ETS1: variants seen among roughly 807,000 people sequenced by gnomAD.
ETS1 encodes ETS proto-oncogene 1, transcription factor.
Under a neutral mutation model 58.6 loss-of-function variants are expected in ETS1, and 15 were observed. That is an observed-to-expected ratio of 0.26 (90% CI 0.17 to 0.39). The LOEUF (loss-of-function observed/expected upper bound fraction) is 0.39. Among genes scored for constraint, ETS1 ranks in the 10% least tolerant of loss-of-function variants. The pLI is 1.00. For missense variants in ETS1, 417 were observed against 610.5 expected (o/e 0.68, Z 3.34); for synonymous variants, 214 against 218.2 (o/e 0.98, Z 0.17).
intron 3 of ETS1, among the ~76,000 whole-genome samples, chr11:128,520,977 T>C (rs1019162780): frequency 2.0e-5 from 3 of 152,202 alleles, no homozygotes; most frequent in African/African-American, 4.8e-5. Flanking sequence ...TAGATCTTTC[T>C]ATATACTTTC....
intron 3 of ETS1, among the ~76,000 whole-genome samples, chr11:128,550,842 G>GAA (rs1864217977): frequency 6.6e-6 from 1 of 152,190 alleles, no homozygotes; most frequent in Non-Finnish European, 1.5e-5. Context: ...TTGGGCATTA[G>GAA]CATAGACAGT....
At chr11:128,476,432 A>T (rs1310603943) in intron 8 of ETS1, among the ~76,000 whole-genome samples, 1 of 152,258 alleles carries the variant, frequency 6.6e-6, no homozygotes, top group African/African-American at 2.4e-5. Flanking sequence ...TATTCAGGTG[A>T]GACATTTGGT....
At chr11:128,534,450 C>T (rs1863943082) in intron 3 of ETS1, among the ~76,000 whole-genome samples, 1 of 152,194 alleles carries the variant, frequency 6.6e-6, no homozygotes, top group South Asian at 2.1e-4. Context: ...GGTTCAGATA[C>T]ACGTGCAAGA....
chr11:128,519,723 G>C (rs550113688), intron 3 of ETS1, among the ~76,000 whole-genome samples: 1 of 152,284 alleles, frequency 6.6e-6, no homozygotes, highest in Non-Finnish European at 1.5e-5. Flanking sequence ...AATATACATT[G>C]CGAAGTTAGA....
At chr11:128,579,106 T>C (rs1864810603) in intron 1 of ETS1, among the ~76,000 whole-genome samples, 1 of 152,234 alleles carries the variant, frequency 6.6e-6, no homozygotes, top group Non-Finnish European at 1.5e-5. Context: ...GTCTTCATGT[T>C]AGCTTCATAG....
chr11:128,494,825 C>A (rs975666085), intron 3 of ETS1, among the ~76,000 whole-genome samples: 1 of 152,072 alleles, frequency 6.6e-6, no homozygotes, highest in African/African-American at 2.4e-5. Flanking sequence ...AAGACTGGAG[C>A]GTCTGGGATC....
chr11:128,475,242 G>C (rs890347725), intron 8 of ETS1, among the ~76,000 whole-genome samples: 7 of 152,200 alleles, frequency 4.6e-5, no homozygotes, highest in African/African-American at 1.7e-4. Flanking sequence ...TTTTGCAATC[G>C]AGCCTTCCTT....
chr11:128,523,929 AG>A (rs1427960946), intron 3 of ETS1, among the ~76,000 whole-genome samples: 5 of 151,944 alleles, frequency 3.3e-5, no homozygotes, highest in African/African-American at 9.7e-5. Flanking sequence ...AAAAAAAAAA[AG>A]GTTCTTGAAT....
intron 3 of ETS1, among the ~76,000 whole-genome samples, chr11:128,542,568 A>G (rs1864072506): frequency 2.5e-5 from 1 of 39,700 alleles, no homozygotes; most frequent in East Asian, 2.2e-3. Context: ...TAAGGTATTA[A>G]AAAAAAAACA....
chr11:128,547,759 C>T (rs979762877), intron 3 of ETS1, among the ~76,000 whole-genome samples: 4 of 151,840 alleles, frequency 2.6e-5, no homozygotes, highest in African/African-American at 9.7e-5. Context: ...CTAGGATGTC[C>T]AGGAATGGAG....
chr11:128,516,864 C>T (rs1863539161), intron 3 of ETS1, among the ~76,000 whole-genome samples: 1 of 152,134 alleles, frequency 6.6e-6, no homozygotes. Flanking sequence ...CAAGCTATGT[C>T]TCATCATCCT....
intron 3 of ETS1, among the ~76,000 whole-genome samples, chr11:128,530,963 T>TAATTG (rs1042228098): frequency 6.6e-6 from 1 of 152,216 alleles, no homozygotes; most frequent in Admixed American, 6.5e-5. Flanking sequence ...TGTATTTGTC[T>TAATTG]AATTGAATTG....
At chr11:128,564,249 G>A (rs769360842) in intron 2 of ETS1, among the ~76,000 whole-genome samples, 5 of 152,160 alleles carry the variant, frequency 3.3e-5, no homozygotes, top group Non-Finnish European at 7.4e-5. Context: ...GCCACCAGGA[G>A]AAGCAGGAAC....
intron 8 of ETS1, among the ~76,000 whole-genome samples, chr11:128,473,048 C>T (rs1415564241): frequency 6.6e-6 from 1 of 152,054 alleles, no homozygotes; most frequent in African/African-American, 2.4e-5. Context: ...AAAAAAGTCT[C>T]GATTCCCTCA....
At chr11:128,577,701 G>A (rs1387440525) in intron 1 of ETS1, among the ~76,000 whole-genome samples, 1 of 152,212 alleles carries the variant, frequency 6.6e-6, no homozygotes, top group African/African-American at 2.4e-5. Flanking sequence ...TGTGCTTAGA[G>A]AAGATGCTTC....
chr11:128,546,635 G>A (rs1212738752), intron 3 of ETS1, among the ~76,000 whole-genome samples: 3 of 152,074 alleles, frequency 2.0e-5, no homozygotes. Context: ...TGTTCAGTAC[G>A]GATGCAAATA....
chr11:128,506,104 C>A (rs1565386616), intron 3 of ETS1, among the ~76,000 whole-genome samples: 1 of 152,146 alleles, frequency 6.6e-6, no homozygotes, highest in African/African-American at 2.4e-5. Flanking sequence ...CCTCACATCC[C>A]AGCTGGACAG....
chr11:128,516,419 G>T (rs901131898), intron 3 of ETS1, among the ~76,000 whole-genome samples: 5 of 152,110 alleles, frequency 3.3e-5, no homozygotes, highest in African/African-American at 1.2e-4. Context: ...GCAGGAAAAT[G>T]GAGCCAAGGT....
chr11:128,513,677 G>C (rs1390329655), intron 3 of ETS1, among the ~76,000 whole-genome samples: 1 of 152,144 alleles, frequency 6.6e-6, no homozygotes, highest in Non-Finnish European at 1.5e-5. Context: ...GAAATGTGTA[G>C]GTACTAGAAG....
Sources: gnomAD v4.1 joint callset for allele counts (sites outside exome capture counted in the v4.1 genomes callset) on GRCh38, gnomAD v4.1.1 for gene constraint, MANE v1.5 for transcripts, NCBI Gene and HGNC (gene_info 2026-07-23, HGNC 2026-07-21) for gene names.